Variants in TTL observed in about 807,000 individuals in gnomAD.
TTL encodes tubulin--tyrosine ligase.
TTL carries 10 observed loss-of-function variants against 41.1 expected under a neutral mutation model. The observed-to-expected ratio is 0.24, with a 90% confidence interval of 0.15 to 0.41. The LOEUF (loss-of-function observed/expected upper bound fraction) is 0.41. Ranked by LOEUF, TTL falls within the 10% of genes least tolerant of loss-of-function variation. The probability of loss-of-function intolerance (pLI) is 1.00; values close to 1 mark genes in which losing one functional copy is unlikely to be tolerated. For synonymous variants in TTL, 175 were observed against 175.5 expected (o/e 1.00, Z 0.02); for missense variants, 367 against 460.4 (o/e 0.80, Z 1.86).
At position 112,528,807 on chromosome 2, in the gene TTL, C is replaced by T. The variant is rs767917997; in HGVS notation, c.*12C>T. On this transcript the variant is annotated 3_prime_UTR_variant, in exon 7 of 7. Coordinates refer to ENST00000233336, the MANE Select transcript of TTL (RefSeq NM_153712.5). ...TCATCAAGCTGTGACAGAGGGCACT[C>T]CCTGCTGCCTTGGAAAAAGCACGGG... is the stretch of plus-strand genomic sequence containing the variant. 6 of 1,606,766 alleles carry T rather than the reference C, an allele frequency of 3.7e-6. No individual in the cohort carries two copies. The South Asian group carries it at 6.6e-5, about 18-fold the overall frequency.
At chr2:112,485,333 A>G (rs992415375) in intron 1 of TTL, among the ~76,000 whole-genome samples, 1 of 152,224 alleles carries the variant, frequency 6.6e-6, no homozygotes, top group Non-Finnish European at 1.5e-5. Flanking sequence ...CACATGTAAT[A>G]AGAGCTGTTG....
intron 6 of TTL, among the ~76,000 whole-genome samples, chr2:112,527,833 A>G (rs982431712): frequency 2.0e-5 from 3 of 152,116 alleles, no homozygotes; most frequent in Admixed American, 2.0e-4. Context: ...ATATTGTTAT[A>G]TGTGAATTTG....
At chr2:112,484,453 C>A (rs531573194) in intron 1 of TTL, among the ~76,000 whole-genome samples, 1 of 151,842 alleles carries the variant, frequency 6.6e-6, no homozygotes, top group East Asian at 1.9e-4. Context: ...TTGGTAGAGA[C>A]AAGGTTTTGC....
At position 112,532,312 on chromosome 2, in the gene TTL, A is replaced by C. The variant is rs926297048; in HGVS notation, c.*3517A>C. On this transcript the variant is annotated 3_prime_UTR_variant, in exon 7 of 7. Coordinates refer to ENST00000233336, the MANE Select transcript of TTL (RefSeq NM_153712.5). ...GTACATGGCTCTGGTTCTGGACACAAAATCTGTACTGGAGAGGAAATGACT... is the reference window on the plus strand; with the variant it reads ...GTACATGGCTCTGGTTCTGGACACACAATCTGTACTGGAGAGGAAATGACT... 1 of 228,010 alleles carries C rather than the reference A, an allele frequency of 4.4e-6. No individual in the cohort carries two copies. Among genetic ancestry groups the C allele is most frequent in the Non-Finnish European group, 8.7e-6 (1 of 114,806 alleles). The allele number at this position is 228,010 out of a possible 1,614,324, so 14.1% of individuals were successfully genotyped here.
intron 2 of TTL, among the ~76,000 whole-genome samples, chr2:112,491,078 G>A (rs1681372368): frequency 6.6e-6 from 1 of 151,820 alleles, no homozygotes; most frequent in African/African-American, 2.4e-5. Flanking sequence ...TGCAACCTCC[G>A]CCTCCCGGGT....
At chr2:112,512,937 G>A (rs543595865) in intron 5 of TTL, among the ~76,000 whole-genome samples, 74 of 149,502 alleles carry the variant, frequency 4.9e-4, no homozygotes, top group African/African-American at 1.6e-3. Context: ...AGTATTTGGC[G>A]CTATGTCTTC....
At chr2:112,526,607 T>G (rs1682379681) in intron 6 of TTL, among the ~76,000 whole-genome samples, 1 of 152,234 alleles carries the variant, frequency 6.6e-6, no homozygotes, top group East Asian at 1.9e-4. Flanking sequence ...GATGGTAGTT[T>G]GTCTTTCTGT....
In TTL at chr2:112,482,253, G is replaced by T; in HGVS notation, c.-92G>T. 1 of 929,388 alleles carries T rather than the reference G, an allele frequency of 1.1e-6. No individual in the cohort carries two copies. Among genetic ancestry groups the T allele is most frequent in the South Asian group, 4.9e-5 (1 of 20,410 alleles). 57.6% of individuals were successfully genotyped at this position (929,388 alleles called of 1,614,324 possible). A position where few individuals can be genotyped will look rare whatever the true frequency, so the allele number is the denominator to read the frequency against. The stretch of plus-strand genomic sequence containing the variant: ...CGGGCGGCGGGGGCCGGGCCGCGGC[G>T]GGCGCCCGGGCGGGGTCCGCGCTGA... On this transcript the variant is annotated 5_prime_UTR_variant, in exon 1 of 7. Transcript: ENST00000233336. The surrounding 1 kb of genome is among the most constrained non-coding windows in gnomAD (Gnocchi z 5.3).
At chr2:112,523,340 GTGTGTGTGTC>G (rs1241606221) in intron 6 of TTL, among the ~76,000 whole-genome samples, 2 of 90,206 alleles carry the variant, frequency 2.2e-5, no homozygotes, top group Non-Finnish European at 4.5e-5. Context: ...GTCTGTGGGT[GTGTGTGTGTC>G]TGTGTGTGTG....
intron 6 of TTL, chr2:112,520,734 C>A (rs34082454): frequency 0.39 from 103,887 of 267,158 alleles, 21,029 homozygotes; most frequent in East Asian, 0.57. Context: ...CCTGGGCAGC[C>A]TGGCAAAACC....
chr2:112,485,725 G>C (rs1437890356), intron 1 of TTL, among the ~76,000 whole-genome samples, 192 bp from the exon 2 acceptor site: 1 of 152,184 alleles, frequency 6.6e-6, no homozygotes, highest in Non-Finnish European at 1.5e-5. Context: ...CCACTGTGGG[G>C]AGAATGAAGG....
rs536385969 is a variant in TTL, at chr2:112,511,212, T to C, written c.875+8031T>C. ...TTTGTAGAGACAGGGTTTTGCCCTGTTGCCCAAGCTGGTCTCGAACTCTTG... is the reference window on the plus strand; with the variant it reads ...TTTGTAGAGACAGGGTTTTGCCCTGCTGCCCAAGCTGGTCTCGAACTCTTG... On this transcript the variant is annotated intron_variant, in intron 5 of 6. Transcript: ENST00000233336. Among the ~76,000 whole-genome samples, 4 of 152,038 alleles carry C rather than the reference T, an allele frequency of 2.6e-5. No homozygotes were observed. The South Asian group carries it at 8.3e-4, about 31-fold the overall frequency.
rs1682543590 is a variant in TTL at position 112,533,185 on chromosome 2, C to T, written c.*4390C>T. ...CTCTGGCACAGAGGAGGTTTCCATGCCAGAAGCCCTGTGTAGGCACTCCAC... is the reference window on the plus strand; with the variant it reads ...CTCTGGCACAGAGGAGGTTTCCATGTCAGAAGCCCTGTGTAGGCACTCCAC... On this transcript the variant is annotated 3_prime_UTR_variant, in exon 7 of 7. Coordinates refer to ENST00000233336, the MANE Select transcript of TTL (RefSeq NM_153712.5). 1 of 152,222 alleles carries T rather than the reference C, an allele frequency of 6.6e-6. No individual in the cohort carries two copies. The highest frequency in any genetic ancestry group is 1.5e-5 in the Non-Finnish European group (1 of 68,062). The allele number at this position is 152,222 out of a possible 1,614,324, so 9.4% of individuals were successfully genotyped here. A position where few individuals can be genotyped will look rare whatever the true frequency, so the allele number is the denominator to read the frequency against.
At chr2:112,487,650 T>TA (rs1574053044) in intron 2 of TTL, among the ~76,000 whole-genome samples, 1 of 152,284 alleles carries the variant, frequency 6.6e-6, no homozygotes, top group East Asian at 1.9e-4. Context: ...GTCTCATCTG[T>TA]AAAATGGGGA....
chr2:112,496,665 CTGTGTGTG>C (rs10635241), intron 3 of TTL, among the ~76,000 whole-genome samples: 3,683 of 106,042 alleles, frequency 0.035, 78 homozygotes, highest in Admixed American at 0.067. Flanking sequence ...ATATATGTGT[CTGTGTGTG>C]TGTGTGTGTG....
In TTL at chr2:112,482,488, C is replaced by G; in HGVS notation, c.144C>G (p.Pro48=). 1 of 1,607,512 alleles carries G rather than the reference C, an allele frequency of 6.2e-7. No homozygotes were observed. Among genetic ancestry groups the G allele is most frequent in the Non-Finnish European group, 8.5e-7 (1 of 1,176,994 alleles). ...NLMLGERNRL[P]FGRLGHEPGL... The stretch of plus-strand genomic sequence containing the variant: ...TGCTGGGAGAGAGGAATCGGCTGCC[C>G]TTCGGGAGACTGGGTGAGCCCCTCC... The change falls in exon 1 of 7, where the codon CCC becomes CCG. Residue 48 remains proline (P), a synonymous_variant. Coordinates refer to ENST00000233336, the MANE Select transcript of TTL (RefSeq NM_153712.5). The surrounding 1 kb of genome is among the most constrained non-coding windows in gnomAD (Gnocchi z 5.3).
In TTL at chr2:112,491,743, A is replaced by G. The variant is rs190370396; in HGVS notation, c.237-2400A>G. Among the ~76,000 whole-genome samples, 481 of 152,296 alleles carry G rather than the reference A, an allele frequency of 3.2e-3. 1 individual carries two copies. Among genetic ancestry groups the G allele is most frequent in the African/African-American group, 0.011 (453 of 41,568 alleles). ...TTTGAGCATTGAGAGGAAAATACTT[A>G]TCAAGTTTATTATGTATTTGCTAAA... On this transcript the variant is annotated intron_variant, in intron 2 of 6. Coordinates refer to ENST00000233336, the MANE Select transcript of TTL (RefSeq NM_153712.5).
chr2:112,507,722 G>C (rs1172722284), intron 5 of TTL, among the ~76,000 whole-genome samples: 1 of 150,324 alleles, frequency 6.7e-6, no homozygotes, highest in Non-Finnish European at 1.5e-5. Context: ...CTGCACGTGA[G>C]ATGGGTTTCC....
Position 112,509,586 on chromosome 2 carries a change from G to A in TTL, c.875+6405G>A, listed in dbSNP as rs1489058239. Among the ~76,000 whole-genome samples, 20 of 152,166 alleles carry A rather than the reference G, an allele frequency of 1.3e-4. 1 individual carries two copies. The highest frequency in any genetic ancestry group is 3.4e-4 in the African/African-American group (14 of 41,510). ...GGGAGTGACCCGATTTTCCAGGTGC[G>A]TCTGTCACCCCTTTCTTTGACTCGG... is the stretch of plus-strand genomic sequence containing the variant. On this transcript the variant is annotated intron_variant, in intron 5 of 6. Coordinates refer to ENST00000233336, the MANE Select transcript of TTL (RefSeq NM_153712.5).
Sources: gnomAD v4.1 joint callset for allele counts (sites outside exome capture counted in the v4.1 genomes callset) on GRCh38, gnomAD v4.1.1 for gene constraint, Gnocchi (gnomAD v3.1) non-coding constraint, MANE v1.5 for transcripts, NCBI Gene and HGNC (gene_info 2026-07-23, HGNC 2026-07-21) for gene names.